The following RSBN1L variants were observed in gnomAD, a reference collection of about 807,000 sequenced individuals.
The protein encoded by RSBN1L is round spermatid basic protein 1 like.
A neutral mutation model predicts 67.7 loss-of-function variants in RSBN1L; 30 were observed. The observed-to-expected ratio is 0.44, with a 90% CI of 0.33 to 0.60. The LOEUF is 0.60. Among genes scored for constraint, RSBN1L ranks in the 20% least tolerant of loss-of-function variants. RSBN1L has a pLI of 0.02. For missense variants in RSBN1L, 992 were observed against 1,031.7 expected (o/e 0.96, Z 0.53); for synonymous variants, 433 against 387.0 (o/e 1.12, Z -1.39).
chr7:77,776,691 C>T (rs937596762), intron 6 of RSBN1L, among the ~76,000 whole-genome samples: 1 of 151,938 alleles, frequency 6.6e-6, no homozygotes, highest in Non-Finnish European at 1.5e-5. Flanking sequence ...GGTAATATTC[C>T]TTGTCCTGAA....
chr7:77,716,743 T>C lies in RSBN1L; in HGVS notation c.587-19667T>C, dbSNP rs571316492. ...GCCTCCTGTGTTCAAGCGATTGTCCTGCCTCAACCTCCCGAGTAGCTGGGA... is the reference window on the plus strand; with the variant it reads ...GCCTCCTGTGTTCAAGCGATTGTCCCGCCTCAACCTCCCGAGTAGCTGGGA... On this transcript the variant is annotated intron_variant, in intron 1 of 7. Coordinates refer to ENST00000334955, the MANE Select transcript of RSBN1L (RefSeq NM_198467.3). 5.4e-5 allele frequency among the ~76,000 whole-genome samples: 8 copies of C among 147,832 alleles called. No homozygotes were observed. In the South Asian group the frequency reaches 9.1e-4, roughly 17 times the overall value.
intron 1 of RSBN1L, among the ~76,000 whole-genome samples, chr7:77,727,538 G>A (rs1041594455): frequency 9.9e-5 from 15 of 151,786 alleles, no homozygotes; most frequent in African/African-American, 3.4e-4. Flanking sequence ...AGACAGACTC[G>A]CTTGTCACCC....
rs943722077 is a variant in RSBN1L at position 77,782,998 on chromosome 7, A to G, written c.*3830A>G. On this transcript the variant is annotated 3_prime_UTR_variant, in exon 8 of 8. Coordinates refer to ENST00000334955, the MANE Select transcript of RSBN1L (RefSeq NM_198467.3). Reference sequence around the variant, plus strand: ...TATTTTCCTTGTCTTCCATCATTCAATAAATACTAAAATTGATAACCACAG... The same window carrying G: ...TATTTTCCTTGTCTTCCATCATTCAGTAAATACTAAAATTGATAACCACAG... 5.3e-5 allele frequency: 8 copies of G among 152,216 alleles called. No individual in the cohort carries two copies. The highest frequency in any genetic ancestry group is 3.9e-4 in the Admixed American group (6 of 15,280). 9.4% of individuals were successfully genotyped at this position (152,216 alleles called of 1,614,324 possible).
At chr7:77,765,359 A>G (rs1791747442) in intron 3 of RSBN1L, 136 bp from the exon 4 acceptor site, 2 of 685,292 alleles carry the variant, frequency 2.9e-6, no homozygotes, top group South Asian at 4.0e-5. Flanking sequence ...CCTCATTATG[A>G]TATAATATTC....
At chr7:77,748,267 C>A (rs1791509688) in intron 2 of RSBN1L, among the ~76,000 whole-genome samples, 1 of 152,122 alleles carries the variant, frequency 6.6e-6, no homozygotes, top group African/African-American at 2.4e-5. Context: ...AAAATTAAGA[C>A]AGTGGCATCA....
At chr7:77,744,574 G>A (rs1053353844) in intron 2 of RSBN1L, among the ~76,000 whole-genome samples, 5 of 151,796 alleles carry the variant, frequency 3.3e-5, no homozygotes, top group Non-Finnish European at 5.9e-5. Flanking sequence ...CTGCCACCAC[G>A]CCCGGCTAAT....
In RSBN1L at chr7:77,736,486, G is replaced by A. The variant is rs1376089424; in HGVS notation, c.663G>A (p.Glu221=). 3 of 1,277,850 alleles carry A rather than the reference G, an allele frequency of 2.3e-6. No individual in the cohort carries two copies. The Admixed American group carries it at 7.0e-5, about 30-fold the overall frequency. 79.2% of individuals were successfully genotyped at this position (1,277,850 alleles called of 1,614,324 possible). ...AAAAGAAACATAAAGTAATGAATGA[G>A]ATCAAGAAAGAGAATGGAGAAGTAA... is the stretch of plus-strand genomic sequence containing the variant. ...REKKKHKVMN[E]IKKENGEVKI... is the part of the protein sequence containing the mutation. Residue 221 remains glutamate (E), a synonymous_variant, in exon 2 of 8, where the codon GAG becomes GAA. Transcript: ENST00000334955.
At chr7:77,774,995 A>G (rs577175739) in intron 6 of RSBN1L, among the ~76,000 whole-genome samples, 16 of 152,206 alleles carry the variant, frequency 1.1e-4, no homozygotes, top group African/African-American at 3.9e-4. Context: ...CTGAGTAGCT[A>G]GGACTACAGT....
In RSBN1L at chr7:77,696,790, C is replaced by T. The variant is rs758299836; in HGVS notation, c.321C>T (p.Ser107=). 1.2e-6 allele frequency: 2 copies of T among 1,613,780 alleles called. No homozygotes were observed. The highest frequency in any genetic ancestry group is 1.1e-5 in the South Asian group (1 of 91,080). The part of the protein sequence containing the change: ...PSSSRSSFSF[S]AGTAVPSSAS... The stretch of plus-strand genomic sequence containing the variant: ...CTTCTCGGAGCAGTTTCTCTTTCTC[C>T]GCTGGCACGGCCGTTCCCTCCTCAG... The change falls in exon 1 of 8, where the codon TCC becomes TCT. Residue 107 remains serine (S), a synonymous_variant. Transcript: ENST00000334955.
chr7:77,761,414 C>G (rs1351207728), intron 3 of RSBN1L, among the ~76,000 whole-genome samples: 1 of 152,190 alleles, frequency 6.6e-6, no homozygotes, highest in African/African-American at 2.4e-5. Flanking sequence ...TAATCCTTAT[C>G]TGTTACCTCT....
At chr7:77,752,314 C>T (rs1378773107) in intron 3 of RSBN1L, among the ~76,000 whole-genome samples, 1 of 152,226 alleles carries the variant, frequency 6.6e-6, no homozygotes, top group African/African-American at 2.4e-5. Context: ...CTAAGCATGT[C>T]AGCTGCAGGG....
At position 77,779,422 on chromosome 7, in the gene RSBN1L, TTAGAA is replaced by T. The variant is rs1011935984; in HGVS notation, c.*259_*263del. ...ATCATTTACGTTGGAATTTTAGGTT[TTAGAA>T]TAGAGCTGACATTAACATATATATA... On this transcript the variant is annotated 3_prime_UTR_variant, in exon 8 of 8. Coordinates refer to ENST00000334955, the MANE Select transcript of RSBN1L (RefSeq NM_198467.3). The T allele has an allele frequency of 1.1e-4, 21 of 197,126 alleles. No homozygotes were observed. Among genetic ancestry groups the T allele is most frequent in the Non-Finnish European group, 1.9e-4 (19 of 99,712 alleles). The allele number at this position is 197,126 out of a possible 1,614,324, so 12.2% of individuals were successfully genotyped here.
chr7:77,698,159 T>C (rs1584269818), intron 1 of RSBN1L, among the ~76,000 whole-genome samples: 1 of 152,252 alleles, frequency 6.6e-6, no homozygotes, highest in African/African-American at 2.4e-5. Context: ...ATGCTGCATG[T>C]GCATGTAGCA....
rs1244130700 is a variant in RSBN1L at position 77,781,755 on chromosome 7, C to A, written c.*2587C>A. 1 of 152,208 alleles carries A rather than the reference C, an allele frequency of 6.6e-6. No individual in the cohort carries two copies. Among genetic ancestry groups the A allele is most frequent in the African/African-American group, 2.4e-5 (1 of 41,544 alleles). 9.4% of individuals were successfully genotyped at this position (152,208 alleles called of 1,614,324 possible). On this transcript the variant is annotated 3_prime_UTR_variant, in exon 8 of 8. Coordinates refer to ENST00000334955, the MANE Select transcript of RSBN1L (RefSeq NM_198467.3). Reference sequence around the variant, plus strand: ...ATCCCAGCACTTAGGGAGGCCGAGGCGGGCGGATCACGAGGTCAGAAGTTT... The same window carrying A: ...ATCCCAGCACTTAGGGAGGCCGAGGAGGGCGGATCACGAGGTCAGAAGTTT...
At chr7:77,709,582 TC>T (rs1318434633) in intron 1 of RSBN1L, among the ~76,000 whole-genome samples, 1 of 152,008 alleles carries the variant, frequency 6.6e-6, no homozygotes, top group Non-Finnish European at 1.5e-5. Context: ...GAGCCACCGT[TC>T]CCCACCAATA....
At chr7:77,773,687 C>T (rs986073839) in intron 6 of RSBN1L, among the ~76,000 whole-genome samples, 1 of 152,080 alleles carries the variant, frequency 6.6e-6, no homozygotes, top group Non-Finnish European at 1.5e-5. Flanking sequence ...TGCTTGAACC[C>T]GGGAGGCTGA....
At chr7:77,720,908 G>A (rs1278560151) in intron 1 of RSBN1L, among the ~76,000 whole-genome samples, 2 of 151,432 alleles carry the variant, frequency 1.3e-5, no homozygotes, top group African/African-American at 2.4e-5. Flanking sequence ...AGGCGTGGGC[G>A]ACCTTGCCCG....
At chr7:77,757,405 C>T (rs1487442432) in intron 3 of RSBN1L, among the ~76,000 whole-genome samples, 6 of 152,210 alleles carry the variant, frequency 3.9e-5, no homozygotes, top group Non-Finnish European at 8.8e-5. Flanking sequence ...TGTCATTTCT[C>T]TAATGCTGTG....
Position 77,763,256 on chromosome 7 carries a change from GT to G in RSBN1L, c.1345-2236del, listed in dbSNP as rs1228455739. Among the ~76,000 whole-genome samples the G allele has an allele frequency of 2.0e-5, 3 of 150,360 alleles. No individual in the cohort carries two copies. In the South Asian group the frequency reaches 6.3e-4, roughly 32 times the overall value. ...TGCCTTCTGGGTAGCTGGGATTACA[GT>G]TTCGTGTCACCACCCCTAACTCTAA... is the stretch of plus-strand genomic sequence containing the variant. On this transcript the variant is annotated intron_variant, in intron 3 of 7. Coordinates refer to ENST00000334955, the MANE Select transcript of RSBN1L (RefSeq NM_198467.3).
Sources: allele counts gnomAD v4.1 joint callset (sites outside exome capture counted in the v4.1 genomes callset), GRCh38; gene constraint gnomAD v4.1.1; transcripts MANE v1.5; gene names NCBI Gene and HGNC (gene_info 2026-07-23, HGNC 2026-07-21).